ALS2: variants seen among roughly 807,000 people sequenced by gnomAD.
The protein encoded by ALS2 is alsin Rho guanine nucleotide exchange factor ALS2.
A neutral mutation model predicts 203.4 loss-of-function variants in ALS2; 117 were observed. That is an observed-to-expected ratio of 0.58 (90% CI 0.50 to 0.67). The LOEUF (loss-of-function observed/expected upper bound fraction) is 0.67, where lower values mean the gene tolerates loss of function less well. ALS2 is among the 30% of genes least tolerant of loss of function. The probability of loss-of-function intolerance (pLI) is 0.00; values close to 1 mark genes in which losing one functional copy is unlikely to be tolerated. For synonymous variants in ALS2, 718 were observed against 725.9 expected (o/e 0.99, Z 0.17); for missense variants, 1,715 against 1,989.4 (o/e 0.86, Z 2.62).
At chr2:201,720,098 T>A (rs1247998994) in intron 23 of ALS2, 1 of 417,226 alleles carries the variant, frequency 2.4e-6, no homozygotes, top group African/African-American at 2.1e-5. Flanking sequence ...AGGGAACACT[T>A]CCCAACTTGT....
chr2:201,705,268 G>T, intron 30 of ALS2, 68 bp from the exon 31 acceptor site: 1 of 1,517,160 alleles, frequency 6.6e-7, no homozygotes, highest in Non-Finnish European at 9.2e-7. Context: ...AAATGATACT[G>T]ATGTCAGAGT....
At chr2:201,749,844 C>T in intron 7 of ALS2, 55 bp from the exon 8 acceptor site, 1 of 1,324,980 alleles carries the variant, frequency 7.5e-7, no homozygotes, top group Non-Finnish European at 1.1e-6. Flanking sequence ...TTTTGCACAT[C>T]AACTCTGAAC....
intron 11 of ALS2, 32 bp downstream of exon 11, chr2:201,741,642 A>G: frequency 6.2e-7 from 1 of 1,606,116 alleles, no homozygotes; most frequent in South Asian, 1.1e-5. Flanking sequence ...AACCCTGCAG[A>G]GATTGAACAT....
intron 10 of ALS2, among the ~76,000 whole-genome samples, chr2:201,744,051 G>T (rs1037895060): frequency 2.0e-5 from 3 of 152,272 alleles, no homozygotes; most frequent in Admixed American, 2.0e-4. Context: ...CAGGAGCTCT[G>T]GGAGTGGTAG....
chr2:201,757,714 T>C lies in ALS2; in HGVS notation c.1159A>G (p.Thr387Ala), dbSNP rs1197485313. Residue 387 changes from threonine (T) to alanine (A), a missense_variant, in exon 5 of 34, where the codon ACA becomes GCA. Thr to Ala is a moderately conservative substitution (Grantham distance 58, BLOSUM62 0). Transcript: ENST00000264276. The stretch of plus-strand genomic sequence containing the variant: ...AGGCTGTTTAGGGCTGAGGTGCTTG[T>C]GGTAGGCGGGCTGTGGAGATTAGGA... ...AIPNLHSPPTTSTSALNSLVV... is the reference protein window; with the variant it reads ...AIPNLHSPPTASTSALNSLVV... 1.5e-5 allele frequency: 25 copies of C among 1,613,378 alleles called. No homozygotes were observed. Among genetic ancestry groups the C allele is most frequent in the Non-Finnish European group, 2.1e-5 (25 of 1,180,020 alleles).
intron 10 of ALS2, among the ~76,000 whole-genome samples, chr2:201,743,747 T>C (rs1692446464): frequency 6.6e-6 from 1 of 152,178 alleles, no homozygotes. Flanking sequence ...AGTGCTGGGA[T>C]TACAGGAGTG....
chr2:201,727,692 G>A lies in ALS2; in HGVS notation c.2912+13C>T, dbSNP rs2106009259. ...CTTGGACGGGGTGGGGTGGGGAGGG[G>A]GGACGCACTTACACACCACCAGCTT... is the stretch of plus-strand genomic sequence containing the variant. On this transcript the variant is annotated intron_variant, in intron 16 of 33. Transcript: ENST00000264276. 4 of 1,550,554 alleles carry A rather than the reference G, an allele frequency of 2.6e-6. 1 individual carries two copies. In the South Asian group the frequency reaches 4.8e-5, roughly 18 times the overall value.
intron 12 of ALS2, 138 bp downstream of exon 12, chr2:201,738,532 A>C (rs1692029551): frequency 1.2e-6 from 1 of 806,966 alleles, no homozygotes; most frequent in Non-Finnish European, 2.1e-6. Context: ...CCTTTATAAG[A>C]CTTACTGAAA....
At chr2:201,763,807 G>A (rs921723500) in intron 3 of ALS2, among the ~76,000 whole-genome samples, 12 of 152,150 alleles carry the variant, frequency 7.9e-5, no homozygotes, top group Admixed American at 6.5e-5. Context: ...TTGGGAGCAG[G>A]TACACATAAG....
At chr2:201,716,836 G>A (rs1690430017) in intron 24 of ALS2, 1 of 151,912 alleles carries the variant, frequency 6.6e-6, no homozygotes. Flanking sequence ...TTACATACTG[G>A]GTTCTAAAAG....
intron 10 of ALS2, among the ~76,000 whole-genome samples, chr2:201,743,533 G>A (rs1323403002): frequency 1.3e-5 from 2 of 152,170 alleles, no homozygotes; most frequent in Middle Eastern, 3.4e-3. Context: ...CACCCAGGCT[G>A]GACTGCAGTG....
At position 201,761,031 on chromosome 2, in the gene ALS2, T is replaced by C; in HGVS notation, c.963A>G (p.Gln321=). Residue 321 remains glutamine, a synonymous_variant, in exon 4 of 34, where the codon CAA becomes CAG. Transcript: ENST00000264276. ...TTTCAGTTGTTCCCATGACATTTTG[T>C]TGAGAGGACATGGCATCGCTGCTTG... ...QITSSDAMSS[Q]QNVMGTTEIS... The C allele has an allele frequency of 6.2e-7, 1 of 1,614,190 alleles. No homozygotes were observed. The highest frequency in any genetic ancestry group is 8.5e-7 in the Non-Finnish European group (1 of 1,180,034).
At chr2:201,708,441 T>C (rs1269408305) in intron 27 of ALS2, among the ~76,000 whole-genome samples, 1 of 152,182 alleles carries the variant, frequency 6.6e-6, no homozygotes, top group Non-Finnish European at 1.5e-5. Flanking sequence ...TATGTAGTTG[T>C]GTTGCACGGA....
chr2:201,744,198 T>C (rs978552537), intron 10 of ALS2, 60 bp downstream of exon 10: 71 of 1,530,428 alleles, frequency 4.6e-5, no homozygotes, highest in East Asian at 1.3e-4. Context: ...ATTTGTGACA[T>C]AGGAAGAAGA....
intron 9 of ALS2, among the ~76,000 whole-genome samples, chr2:201,745,541 T>C (rs189824800): frequency 1.3e-4 from 20 of 152,120 alleles, no homozygotes; most frequent in Non-Finnish European, 2.9e-5. Context: ...AGTTACTTTA[T>C]GGGGAAAAGA....
chr2:201,719,510 A>G (rs1690625207), intron 23 of ALS2, among the ~76,000 whole-genome samples: 1 of 152,038 alleles, frequency 6.6e-6, no homozygotes, highest in South Asian at 2.1e-4. Flanking sequence ...AATCGCTTGA[A>G]CCCAGGAGGT....
At chr2:201,764,973 G>C (rs949367876) in intron 3 of ALS2, among the ~76,000 whole-genome samples, 2 of 151,890 alleles carry the variant, frequency 1.3e-5, no homozygotes, top group Non-Finnish European at 2.9e-5. Context: ...TGATTCTAAA[G>C]ATACCATGTT....
At chr2:201,720,711 C>G (rs1012592493) in intron 23 of ALS2, among the ~76,000 whole-genome samples, 1 of 145,654 alleles carries the variant, frequency 6.9e-6, no homozygotes, top group Non-Finnish European at 1.5e-5. Context: ...GAGACACTAT[C>G]TCAACACACA....
chr2:201,731,688 T>C (rs546997035), intron 13 of ALS2, among the ~76,000 whole-genome samples: 38 of 152,222 alleles, frequency 2.5e-4, no homozygotes, highest in African/African-American at 7.7e-4. Flanking sequence ...TTATAACGTA[T>C]AGTGATGGAA....
Sources: allele counts gnomAD v4.1 joint callset (sites outside exome capture counted in the v4.1 genomes callset), GRCh38; gene constraint gnomAD v4.1.1; transcripts MANE v1.5; gene names NCBI Gene and HGNC (gene_info 2026-07-23, HGNC 2026-07-21).